CSMD3: variants seen among roughly 807,000 people sequenced by gnomAD.
The protein encoded by CSMD3 is CUB and sushi domain-containing protein 3.
Under a neutral mutation model 435.2 loss-of-function variants are expected in CSMD3, and 177 were observed. The ratio of observed to expected loss-of-function variants is 0.41; its 90% CI spans 0.36 to 0.46. The LOEUF (loss-of-function observed/expected upper bound fraction) is 0.46, where lower values mean the gene tolerates loss of function less well. CSMD3 is among the 20% of genes least tolerant of loss of function. The pLI is 0.34. For synonymous variants in CSMD3, 1,656 were observed against 1,520.5 expected (o/e 1.09, Z -2.07); for missense variants, 4,265 against 4,504.6 (o/e 0.95, Z 1.52).
chr8:112,296,022 A>C lies in CSMD3; in HGVS notation c.8441-16T>G, dbSNP rs543902970. The C allele has an allele frequency of 5.5e-5, 87 of 1,593,258 alleles. No homozygotes were observed. The highest frequency in any genetic ancestry group is 7.2e-5 in the Non-Finnish European group (84 of 1,162,324). On this transcript the variant is annotated splice_polypyrimidine_tract_variant and intron_variant, in intron 53 of 70. Coordinates refer to ENST00000297405, the MANE Select transcript of CSMD3 (RefSeq NM_198123.2). ...CAATGACCCGCTGAAATACGTTATA[A>C]AGTAATATTTTTAATACTGTGATTT...
At chr8:112,966,601 T>C (rs997099044) in intron 7 of CSMD3, among the ~76,000 whole-genome samples, 1 of 151,734 alleles carries the variant, frequency 6.6e-6, no homozygotes, top group Non-Finnish European at 1.5e-5. Context: ...ATTTGATACA[T>C]TGAAAAATAA....
chr8:113,409,079 C>CTTTTTTTTTTTTTT (rs1218107775), intron 1 of CSMD3, among the ~76,000 whole-genome samples: 2 of 99,064 alleles, frequency 2.0e-5, no homozygotes, highest in Non-Finnish European at 3.9e-5. Flanking sequence ...TCTTCTTCTT[C>CTTTTTTTTTTTTTT]TTTTTTTTTT....
chr8:112,737,313 C>T (rs2077207548), intron 13 of CSMD3, among the ~76,000 whole-genome samples: 1 of 151,868 alleles, frequency 6.6e-6, no homozygotes, highest in Admixed American at 6.6e-5. Context: ...ATTTCAGCAC[C>T]ATCTCTGGAT....
chr8:112,922,136 T>C (rs2082763056), intron 9 of CSMD3, among the ~76,000 whole-genome samples: 2 of 152,114 alleles, frequency 1.3e-5, no homozygotes, highest in African/African-American at 2.4e-5. Context: ...CATTTACACA[T>C]GCATTTGTGT....
chr8:113,312,574 T>C (rs572738497), intron 2 of CSMD3: 1 of 152,322 alleles, frequency 6.6e-6, no homozygotes, highest in Admixed American at 6.5e-5. Context: ...ATGTGTTTTC[T>C]CATTTTCAAG....
intron 59 of CSMD3, among the ~76,000 whole-genome samples, chr8:112,270,079 G>A (rs917370924): frequency 1.3e-5 from 2 of 152,110 alleles, no homozygotes; most frequent in Non-Finnish European, 2.9e-5. Context: ...TTTAGAGATA[G>A]ATTAATTAGA....
intron 2 of CSMD3, among the ~76,000 whole-genome samples, chr8:113,297,101 TTG>T (rs2093728591): frequency 6.6e-6 from 1 of 152,068 alleles, no homozygotes; most frequent in Admixed American, 6.6e-5. Flanking sequence ...TGTTAAAATA[TTG>T]TGTTATTTGT....
chr8:113,055,563 T>C (rs1234688953), intron 5 of CSMD3, among the ~76,000 whole-genome samples: 1 of 152,152 alleles, frequency 6.6e-6, no homozygotes, highest in Non-Finnish European at 1.5e-5. Flanking sequence ...ATAACTGTAA[T>C]CCTAAATTTT....
chr8:112,433,654 C>CAAAAAAAAAAAAAAAAAAAAAAAA (rs35572894), intron 32 of CSMD3, among the ~76,000 whole-genome samples: 8 of 93,172 alleles, frequency 8.6e-5, no homozygotes, highest in East Asian at 3.3e-4. Flanking sequence ...GAGAACCTGT[C>CAAAAAAAAAAAAAAAAAAAAAAAA]AAAAAAAAAA....
At chr8:112,552,897 TAG>T (rs1563694377) in intron 25 of CSMD3, among the ~76,000 whole-genome samples, 177 bp from the exon 26 acceptor site, 2 of 152,088 alleles carry the variant, frequency 1.3e-5, no homozygotes, top group Admixed American at 1.3e-4. Context: ...AATCAAATAA[TAG>T]AGTCTCAAGT....
intron 3 of CSMD3, among the ~76,000 whole-genome samples, chr8:113,223,999 C>T (rs1220297551): frequency 1.3e-5 from 2 of 150,988 alleles, no homozygotes; most frequent in Non-Finnish European, 3.0e-5. Flanking sequence ...TAGCATGTTC[C>T]TACAACATCT....
intron 32 of CSMD3, among the ~76,000 whole-genome samples, chr8:112,417,028 C>T (rs1005151948): frequency 2.6e-5 from 4 of 152,040 alleles, no homozygotes; most frequent in African/African-American, 9.7e-5. Context: ...AAGGATAGTG[C>T]CAAATTAATG....
chr8:112,356,467 G>A (rs1826612589), intron 38 of CSMD3, among the ~76,000 whole-genome samples: 1 of 152,170 alleles, frequency 6.6e-6, no homozygotes, highest in South Asian at 2.1e-4. Context: ...AAGTAGACAT[G>A]TGGATGAAGA....
At chr8:112,646,163 A>G (rs992277688) in intron 19 of CSMD3, among the ~76,000 whole-genome samples, 2 of 152,176 alleles carry the variant, frequency 1.3e-5, no homozygotes, top group Non-Finnish European at 2.9e-5. Flanking sequence ...GATGAATGAA[A>G]TGTCTACTGA....
At position 112,408,960 on chromosome 8, in the gene CSMD3, T is replaced by A; in HGVS notation, c.5468A>T (p.Gln1823Leu). The change falls in exon 33 of 71, where the codon CAG becomes CTG. Residue 1823 changes from glutamine (Q) to leucine (L), a missense_variant. This residue lies in a region of CSMD3 where 3,255 missense variants were observed against 3,380.2 expected (regional missense o/e 0.96). Coordinates refer to ENST00000297405, the MANE Select transcript of CSMD3 (RefSeq NM_198123.2). Reference protein sequence around the residue: ...DVVEVYDGPTQQSSLLSSLSG... With the variant: ...DVVEVYDGPTLQSSLLSSLSG... ...GAGGGAAGATAACAGAGAAGATTGC[T>A]GAGTTGGCCCATCATACACCTCAAC... 6.2e-7 allele frequency: 1 copy of A among 1,613,638 alleles called. No homozygotes were observed. Among genetic ancestry groups the A allele is most frequent in the Non-Finnish European group, 8.5e-7 (1 of 1,179,678 alleles).
chr8:112,883,423 A>C (rs1203638100), intron 10 of CSMD3, among the ~76,000 whole-genome samples: 1 of 152,034 alleles, frequency 6.6e-6, no homozygotes, highest in Non-Finnish European at 1.5e-5. Context: ...CTTGAGGGAC[A>C]TGATGGCAGT....
chr8:112,754,101 A>G (rs2077636420), intron 13 of CSMD3, among the ~76,000 whole-genome samples: 1 of 152,200 alleles, frequency 6.6e-6, no homozygotes, highest in African/African-American at 2.4e-5. Context: ...GACCTGAGCA[A>G]TAGGAAGTAT....
rs1005462380 is a variant in CSMD3 at position 112,311,094 on chromosome 8, C to T, written c.7769G>A (p.Ser2590Asn). Reference sequence around the variant, plus strand: ...TCGATCACAGGCCCAACGGACCACACTGTTAAGCTGCCCACCTGTCTGACT... The same window carrying T: ...TCGATCACAGGCCCAACGGACCACATTGTTAAGCTGCCCACCTGTCTGACT... ...IISQTGGQLN[S>N]VVRWACDRGF... Residue 2590 changes from serine to asparagine, a missense_variant, in exon 50 of 71, where the codon AGT becomes AAT. By Grantham distance (46) the Ser-to-Asn change is conservative (BLOSUM62 1). Around this residue, in one of 3 missense-constraint regions of CSMD3, gnomAD observed 3,255 missense variants for 3,380.2 expected, o/e 0.96. Transcript: ENST00000297405. 6.2e-7 allele frequency: 1 copy of T among 1,613,984 alleles called. No individual in the cohort carries two copies. The highest frequency in any genetic ancestry group is 1.3e-5 in the African/African-American group (1 of 75,008).
At chr8:113,150,106 A>G (rs1024592627) in intron 4 of CSMD3, among the ~76,000 whole-genome samples, 1 of 151,992 alleles carries the variant, frequency 6.6e-6, no homozygotes, top group African/African-American at 2.4e-5. Context: ...CAAAGAAGAC[A>G]GAAGTTTCTT....
Sources: gnomAD v4.1 joint callset for allele counts (sites outside exome capture counted in the v4.1 genomes callset) on GRCh38, gnomAD v4.1.1 for gene constraint, gnomAD v4.1.1 regional missense constraint, MANE v1.5 for transcripts, NCBI Gene and HGNC (gene_info 2026-07-23, HGNC 2026-07-21) for gene names.